Variants in MGAT5 observed in about 807,000 individuals in gnomAD.
MGAT5 encodes the protein alpha-1,6-mannosylglycoprotein 6-beta-N-acetylglucosaminyltransferase.
In MGAT5, 30 loss-of-function variants were observed where a neutral mutation model predicts 94.3. That is an observed-to-expected ratio of 0.32 (90% CI 0.24 to 0.43). The LOEUF (loss-of-function observed/expected upper bound fraction) is 0.43. Among genes scored for constraint, MGAT5 ranks in the 20% least tolerant of loss-of-function variants. MGAT5 has a pLI of 1.00. For missense variants in MGAT5, 691 were observed against 905.5 expected, an observed-to-expected ratio of 0.76 and a Z score of 3.04; for synonymous variants, 310 against 322.9, an observed-to-expected ratio of 0.96 and a Z score of 0.43.
At chr2:134,253,258 T>C (rs1477542874), upstream of MGAT5, 1 of 152,228 alleles carries the variant, frequency 6.6e-6, no homozygotes, top group East Asian at 1.9e-4. Context: ...TAGTCTCTTA[T>C]AAGGGATCGG....
intron 14 of MGAT5, among the ~76,000 whole-genome samples, chr2:134,435,931 G>A (rs1199886094): frequency 6.6e-6 from 1 of 152,192 alleles, no homozygotes; most frequent in Non-Finnish European, 1.5e-5. Context: ...GAGAGAAGAA[G>A]CTATGACAGG....
intron 1 of MGAT5, among the ~76,000 whole-genome samples, chr2:134,227,583 T>G (rs73960806): frequency 0.014 from 2,167 of 152,330 alleles, 58 homozygotes; most frequent in African/African-American, 0.049. Flanking sequence ...GGGTATAGGC[T>G]GTATTCTGGA....
intron 1 of MGAT5, among the ~76,000 whole-genome samples, chr2:134,261,714 A>G (rs1300160081): frequency 2.0e-5 from 3 of 152,152 alleles, no homozygotes; most frequent in African/African-American, 7.2e-5. Context: ...CTTACAATGT[A>G]AGTTCTGAAA....
chr2:134,370,534 G>T (rs1680718044), intron 10 of MGAT5, among the ~76,000 whole-genome samples: 1 of 152,222 alleles, frequency 6.6e-6, no homozygotes, highest in Non-Finnish European at 1.5e-5. Context: ...ATTTCCCCTG[G>T]GGTAAAAGTC....
intron 7 of MGAT5, among the ~76,000 whole-genome samples, chr2:134,344,251 G>C (rs1418449981): frequency 6.6e-6 from 1 of 152,158 alleles, no homozygotes; most frequent in African/African-American, 2.4e-5. Context: ...GTGGATGGAT[G>C]CATGGGTGGG....
At chr2:134,306,398 T>C (rs149190616) in intron 2 of MGAT5, among the ~76,000 whole-genome samples, 205 of 152,310 alleles carry the variant, frequency 1.3e-3, no homozygotes, top group Non-Finnish European at 2.2e-3. Flanking sequence ...ATTATATTCA[T>C]TGAAAAAGAT....
intron 2 of MGAT5, among the ~76,000 whole-genome samples, chr2:134,312,237 A>C (rs1379879464): frequency 6.6e-6 from 1 of 152,162 alleles, no homozygotes; most frequent in Non-Finnish European, 1.5e-5. Flanking sequence ...TTGTCTCAAA[A>C]CAAAAAACAA....
chr2:134,448,600 G>T, intron 15 of MGAT5, 49 bp from the exon 16 acceptor site: 1 of 1,571,262 alleles, frequency 6.4e-7, no homozygotes, highest in Non-Finnish European at 8.8e-7. Context: ...GACGAGGAAA[G>T]GCTCTGTCCC....
At chr2:134,219,467 C>T (rs762088066) in intron 1 of MGAT5, among the ~76,000 whole-genome samples, 1 of 152,092 alleles carries the variant, frequency 6.6e-6, no homozygotes, top group Non-Finnish European at 1.5e-5. Context: ...TCTACTTTAA[C>T]GAACAGACAG....
chr2:134,204,270 A>C (rs529725701), intron 1 of MGAT5, among the ~76,000 whole-genome samples: 1 of 152,270 alleles, frequency 6.6e-6, no homozygotes, highest in South Asian at 2.1e-4. Flanking sequence ...GAATGAATGG[A>C]GATGCACTGG....
intron 4 of MGAT5, among the ~76,000 whole-genome samples, chr2:134,328,763 G>T (rs1449668521): frequency 6.6e-6 from 1 of 151,964 alleles, no homozygotes; most frequent in Admixed American, 6.6e-5. Flanking sequence ...GTATATAAAA[G>T]AATTGCCTCA....
intron 14 of MGAT5, 54 bp from the exon 15 acceptor site, chr2:134,441,704 G>C (rs567042738): frequency 2.4e-5 from 38 of 1,567,840 alleles, no homozygotes; most frequent in Admixed American, 2.1e-4. Flanking sequence ...GCAGGGCTGG[G>C]GATCCCCAGC....
intron 15 of MGAT5, among the ~76,000 whole-genome samples, chr2:134,443,252 C>T (rs545502543): frequency 6.6e-5 from 10 of 152,076 alleles, no homozygotes; most frequent in African/African-American, 1.9e-4. Flanking sequence ...TGCAGTGGCG[C>T]GATCTTGGCT....
chr2:134,344,155 A>G (rs1351508595), intron 7 of MGAT5, among the ~76,000 whole-genome samples: 1 of 152,176 alleles, frequency 6.6e-6, no homozygotes, highest in East Asian at 1.9e-4. Flanking sequence ...GGATGGCAGT[A>G]GGGTTAGCAC....
chr2:134,358,978 A>G (rs1405256869), intron 9 of MGAT5, among the ~76,000 whole-genome samples: 2 of 152,358 alleles, frequency 1.3e-5, no homozygotes, highest in African/African-American at 2.4e-5. Context: ...CTCAGGGACC[A>G]CATCAAGCTG....
Position 134,448,976 on chromosome 2 carries a change from G to T in MGAT5, c.*129G>T. ...CCTGAACTTTTTCGTAGAAGGTTCT[G>T]AATTGGCATTGCCCTTGCTGCACTC... On this transcript the variant is annotated 3_prime_UTR_variant, in exon 16 of 16. Coordinates refer to ENST00000281923, the MANE Select transcript of MGAT5 (RefSeq NM_002410.5). The T allele has an allele frequency of 2.1e-6, 2 of 931,522 alleles. No individual in the cohort carries two copies. The highest frequency in any genetic ancestry group is 3.3e-5 in the South Asian group (2 of 60,768). 57.7% of individuals were successfully genotyped at this position (931,522 alleles called of 1,614,324 possible).
chr2:134,405,623 C>T (rs139913399), intron 11 of MGAT5, among the ~76,000 whole-genome samples: 4 of 152,314 alleles, frequency 2.6e-5, no homozygotes, highest in East Asian at 1.9e-4. Context: ...CTGGAGCAGC[C>T]GAGAAGCAGA....
At chr2:134,434,654 T>C (rs928998342) in intron 14 of MGAT5, among the ~76,000 whole-genome samples, 5 of 151,774 alleles carry the variant, frequency 3.3e-5, no homozygotes, top group African/African-American at 1.2e-4. Context: ...AGCGCCATGT[T>C]AGAGGTAAGC....
At chr2:134,401,037 T>G (rs537918293) in intron 10 of MGAT5, among the ~76,000 whole-genome samples, 2 of 152,224 alleles carry the variant, frequency 1.3e-5, no homozygotes, top group South Asian at 4.2e-4. Flanking sequence ...CTCTCTGCTT[T>G]CTTTTCCCAC....
Sources: gnomAD v4.1 joint callset for allele counts (sites outside exome capture counted in the v4.1 genomes callset) on GRCh38, gnomAD v4.1.1 for gene constraint, MANE v1.5 for transcripts, NCBI Gene and HGNC (gene_info 2026-07-23, HGNC 2026-07-21) for gene names.